MBD5: variants seen among roughly 807,000 people sequenced by gnomAD.
MBD5 encodes the protein methyl-CpG binding domain protein 5.
Under a neutral mutation model 117.3 loss-of-function variants are expected in MBD5, and 13 were observed. The ratio of observed to expected loss-of-function variants is 0.11; its 90% confidence interval spans 0.07 to 0.18. MBD5 has a LOEUF of 0.18. Among genes scored for constraint, MBD5 ranks in the 10% least tolerant of loss-of-function variants. The pLI, the probability that MBD5 is intolerant of heterozygous loss-of-function variation, is 1.00. For missense variants in MBD5, 1,879 were observed against 2,093.8 expected, an observed-to-expected ratio of 0.90 and a Z score of 2.00; for synonymous variants, 727 against 766.4, an observed-to-expected ratio of 0.95 and a Z score of 0.85.
intron 2 of MBD5, among the ~76,000 whole-genome samples, chr2:148,188,375 AGAG>A (rs1698720751): frequency 6.6e-6 from 1 of 152,182 alleles, no homozygotes; most frequent in Admixed American, 6.5e-5. Flanking sequence ...ATAAATCAAT[AGAG>A]GAGATAAAGT....
At chr2:148,438,056 A>G (rs1706206489) in intron 4 of MBD5, among the ~76,000 whole-genome samples, 1 of 152,242 alleles carries the variant, frequency 6.6e-6, no homozygotes, top group East Asian at 1.9e-4. Context: ...GTGATAATGT[A>G]CTTTCGTGGA....
chr2:148,500,958 A>G (rs1160617647), intron 11 of MBD5, among the ~76,000 whole-genome samples: 3 of 152,128 alleles, frequency 2.0e-5, no homozygotes, highest in Non-Finnish European at 4.4e-5. Context: ...TAGCTTTTCC[A>G]GTGGTCCCAG....
At chr2:148,179,219 G>T (rs529665962) in intron 2 of MBD5, among the ~76,000 whole-genome samples, 164 of 152,148 alleles carry the variant, frequency 1.1e-3, no homozygotes, top group African/African-American at 3.8e-3. Flanking sequence ...GGCGGGCGTG[G>T]TGGCAGGCGC....
chr2:148,465,915 T>A (rs1460327489), intron 7 of MBD5, among the ~76,000 whole-genome samples: 1 of 152,182 alleles, frequency 6.6e-6, no homozygotes, highest in African/African-American at 2.4e-5. Flanking sequence ...GTCTGCTTAT[T>A]GCCTTTCTAA....
At chr2:148,114,682 C>G (rs948981904) in intron 1 of MBD5, among the ~76,000 whole-genome samples, 18 of 152,084 alleles carry the variant, frequency 1.2e-4, no homozygotes, top group Non-Finnish European at 2.9e-5. Flanking sequence ...GAATAAGTTA[C>G]TTACTGTGTG....
chr2:148,162,217 A>G (rs752975048), intron 1 of MBD5, among the ~76,000 whole-genome samples: 9 of 152,244 alleles, frequency 5.9e-5, no homozygotes, highest in Non-Finnish European at 1.0e-4. Context: ...TTTCCTCTAC[A>G]GGATTAAGCT....
intron 1 of MBD5, among the ~76,000 whole-genome samples, chr2:148,040,879 G>A (rs1464248647): frequency 6.6e-6 from 1 of 152,042 alleles, no homozygotes; most frequent in African/African-American, 2.4e-5. Flanking sequence ...ATTTTTTAAA[G>A]CCCCTCACGT....
chr2:148,353,302 G>A (rs190598139), intron 4 of MBD5, among the ~76,000 whole-genome samples: 4 of 152,242 alleles, frequency 2.6e-5, no homozygotes, highest in Admixed American at 2.6e-4. Context: ...GTGAGCAGAT[G>A]TGTGTGTTTA....
chr2:148,353,801 A>C (rs1703304531), intron 4 of MBD5, among the ~76,000 whole-genome samples: 1 of 151,806 alleles, frequency 6.6e-6, no homozygotes, highest in Admixed American at 6.6e-5. Context: ...GGCTGATCTC[A>C]AACTCCTAAC....
intron 1 of MBD5, among the ~76,000 whole-genome samples, chr2:148,077,497 C>T (rs1395684120): frequency 6.6e-6 from 1 of 152,138 alleles, no homozygotes; most frequent in Non-Finnish European, 1.5e-5. Context: ...AATGGAAGTA[C>T]ATAGAAGTAG....
chr2:148,407,915 C>A (rs1574391909), intron 4 of MBD5, among the ~76,000 whole-genome samples: 1 of 152,122 alleles, frequency 6.6e-6, no homozygotes, highest in Non-Finnish European at 1.5e-5. Context: ...CTGACAAAAA[C>A]AACCAATCAA....
intron 2 of MBD5, among the ~76,000 whole-genome samples, chr2:148,210,466 T>G (rs1221963654): frequency 6.6e-6 from 1 of 152,022 alleles, no homozygotes; most frequent in African/African-American, 2.4e-5. Context: ...CAATTATATT[T>G]TATACTTTTT....
chr2:148,280,131 C>CAAAAAAAAAAAA (rs3076398), intron 3 of MBD5, among the ~76,000 whole-genome samples: 67 of 91,868 alleles, frequency 7.3e-4, no homozygotes, highest in African/African-American at 1.3e-3. Context: ...AAACTAACTG[C>CAAAAAAAAAAAA]AAAAAAAAAA....
chr2:148,124,749 T>A (rs1222230703), intron 1 of MBD5, among the ~76,000 whole-genome samples: 2 of 152,084 alleles, frequency 1.3e-5, no homozygotes, highest in Admixed American at 1.3e-4. Context: ...AAATGCAAAA[T>A]TTTTTGTATT....
chr2:148,049,563 T>C (rs775111244), intron 1 of MBD5, among the ~76,000 whole-genome samples: 3 of 152,182 alleles, frequency 2.0e-5, no homozygotes, highest in Non-Finnish European at 4.4e-5. Context: ...AAAATCCACA[T>C]AGCATGAAAT....
chr2:148,489,980 G>C lies in MBD5; in HGVS notation c.4348G>C (p.Asp1450His). 6.2e-7 allele frequency: 1 copy of C among 1,614,050 alleles called. No individual in the cohort carries two copies. The highest frequency in any genetic ancestry group is 8.5e-7 in the Non-Finnish European group (1 of 1,180,020). Reference protein sequence around the residue: ...RNRWKYEEFLDHPGHIHSSPC... With the variant: ...RNRWKYEEFLHHPGHIHSSPC... ...CAGGTGGAAGTACGAGGAATTTTTA[G>C]ATCATCCAGGCCATATCCACAGTAG... The change falls in exon 11 of 14, where the codon GAT (aspartate) becomes CAT (histidine). Residue 1450 changes from aspartate (D) to histidine (H), a missense_variant. Physicochemically the swap from Asp to His is moderately conservative, Grantham distance 81. Coordinates refer to ENST00000642680, the MANE Select transcript of MBD5 (RefSeq NM_001378120.1).
intron 1 of MBD5, among the ~76,000 whole-genome samples, chr2:148,158,838 G>T (rs1380373745): frequency 1.3e-5 from 2 of 152,200 alleles, no homozygotes; most frequent in Non-Finnish European, 1.5e-5. Context: ...TCCTGCCTCA[G>T]CCTCCAGAGT....
intron 11 of MBD5, among the ~76,000 whole-genome samples, chr2:148,499,455 T>A (rs1260531790): frequency 3.9e-5 from 6 of 152,208 alleles, no homozygotes; most frequent in Non-Finnish European, 8.8e-5. Context: ...GCTATCAGCA[T>A]GAAACTGTGT....
At chr2:148,085,763 T>G (rs1199047300) in intron 1 of MBD5, among the ~76,000 whole-genome samples, 2 of 152,108 alleles carry the variant, frequency 1.3e-5, no homozygotes, top group East Asian at 3.9e-4. Context: ...AAGCCCCAAA[T>G]TTCTCTTTTA....
Sources: allele counts gnomAD v4.1 joint callset (sites outside exome capture counted in the v4.1 genomes callset), GRCh38; gene constraint gnomAD v4.1.1; transcripts MANE v1.5; gene names NCBI Gene and HGNC (gene_info 2026-07-23, HGNC 2026-07-21).